Variants in PSKH1 observed in about 807,000 individuals in gnomAD.
PSKH1 encodes serine/threonine-protein kinase H1.
PSKH1 carries 12 observed loss-of-function variants against 26.7 expected under a neutral mutation model. That is an observed-to-expected ratio of 0.45 (90% CI 0.29 to 0.73). The LOEUF is 0.73. PSKH1 is among the 30% of genes least tolerant of loss of function. The pLI, the probability that PSKH1 is intolerant of heterozygous loss-of-function variation, is 0.11. For missense variants in PSKH1, 431 were observed against 595.2 expected (o/e 0.72, Z 2.87); for synonymous variants, 213 against 234.3 (o/e 0.91, Z 0.83).
chr16:67,916,369 T>G (rs991658081), intron 2 of PSKH1, among the ~76,000 whole-genome samples: 3 of 152,166 alleles, frequency 2.0e-5, no homozygotes, highest in African/African-American at 7.2e-5. Flanking sequence ...GTGTGCCTAT[T>G]TCCTGCAAGC....
chr16:67,923,190 A>G (rs2058207642), intron 2 of PSKH1, among the ~76,000 whole-genome samples: 1 of 152,130 alleles, frequency 6.6e-6, no homozygotes, highest in Admixed American at 6.5e-5. Flanking sequence ...GGGATGAGGA[A>G]GGCTAGTTGG....
chr16:67,903,352 G>C (rs749257628), intron 1 of PSKH1, among the ~76,000 whole-genome samples: 2 of 152,094 alleles, frequency 1.3e-5, no homozygotes. Flanking sequence ...GGGTCTTTCT[G>C]TGTTGCCCAG....
chr16:67,899,801 C>T (rs1195615086), intron 1 of PSKH1, among the ~76,000 whole-genome samples: 2 of 151,834 alleles, frequency 1.3e-5, no homozygotes, highest in South Asian at 2.1e-4. Context: ...GTGTCCACCA[C>T]CACACTTGGC....
chr16:67,927,504 C>T lies in PSKH1; in HGVS notation c.1137C>T (p.Ala379=). Reference sequence around the variant, plus strand: ...TATCCCAGAACCTCCTTAAACGTGCCTCCTCGCGCTGCCAGAGCACCAAAT... The same window carrying T: ...TATCCCAGAACCTCCTTAAACGTGCTTCCTCGCGCTGCCAGAGCACCAAAT... The part of the protein sequence containing the change: ...RSISQNLLKR[A]SSRCQSTKSA... Residue 379 remains alanine, a synonymous_variant, in exon 3 of 3, where the codon GCC becomes GCT. Transcript: ENST00000291041. This position sits in a 1 kb window ranked among gnomAD's most constrained non-coding sequence, Gnocchi z 5.5. The T allele has an allele frequency of 6.2e-7, 1 of 1,614,196 alleles. No homozygotes were observed. Among genetic ancestry groups the T allele is most frequent in the Non-Finnish European group, 8.5e-7 (1 of 1,180,036 alleles).
chr16:67,899,092 C>T (rs892153320), intron 1 of PSKH1, among the ~76,000 whole-genome samples: 2 of 152,136 alleles, frequency 1.3e-5, no homozygotes, highest in Non-Finnish European at 2.9e-5. Context: ...TTGCTCCCTG[C>T]CCCGGGACCC....
At chr16:67,912,597 G>A (rs1242337908) in intron 2 of PSKH1, among the ~76,000 whole-genome samples, 2 of 152,034 alleles carry the variant, frequency 1.3e-5, no homozygotes, top group African/African-American at 4.8e-5. Flanking sequence ...AGCCGGGTAC[G>A]GTGGCTCACG....
At chr16:67,894,581 C>G (rs2058120874) in intron 1 of PSKH1, among the ~76,000 whole-genome samples, 1 of 152,230 alleles carries the variant, frequency 6.6e-6, no homozygotes, top group African/African-American at 2.4e-5. Context: ...GGAAAAAAAT[C>G]TACCTTGCTT....
At chr16:67,920,497 G>A (rs532796562) in intron 2 of PSKH1, among the ~76,000 whole-genome samples, 1 of 152,262 alleles carries the variant, frequency 6.6e-6, no homozygotes, top group East Asian at 1.9e-4. Flanking sequence ...GGCCTCAAGT[G>A]ATCCTCCTGC....
At chr16:67,912,866 C>G (rs780928261) in intron 2 of PSKH1, among the ~76,000 whole-genome samples, 6 of 151,174 alleles carry the variant, frequency 4.0e-5, no homozygotes, top group African/African-American at 1.5e-4. Context: ...GAAACTCTGT[C>G]TCAAAAAAAG....
chr16:67,900,182 G>A (rs1320548269), intron 1 of PSKH1, among the ~76,000 whole-genome samples: 2 of 150,492 alleles, frequency 1.3e-5, no homozygotes, highest in African/African-American at 2.5e-5. Flanking sequence ...GGCTGATCTT[G>A]TACTCCTTAC....
At chr16:67,899,558 A>G (rs1490283792) in intron 1 of PSKH1, among the ~76,000 whole-genome samples, 1 of 152,066 alleles carries the variant, frequency 6.6e-6, no homozygotes, top group Non-Finnish European at 1.5e-5. Flanking sequence ...GATGGTCTCA[A>G]TCTCCTGTCC....
intron 2 of PSKH1, among the ~76,000 whole-genome samples, chr16:67,912,638 G>A (rs777480028): frequency 5.9e-5 from 9 of 152,186 alleles, no homozygotes; most frequent in Non-Finnish European, 1.2e-4. Context: ...GGAGGCCAAG[G>A]TGGGCAGATC....
intron 1 of PSKH1, among the ~76,000 whole-genome samples, chr16:67,896,149 G>A (rs1453009919): frequency 6.7e-6 from 1 of 150,184 alleles, no homozygotes; most frequent in Non-Finnish European, 1.5e-5. Context: ...TCGCTCTGTC[G>A]CCAGGCTGGA....
intron 1 of PSKH1, chr16:67,902,951 C>G (rs917777568): frequency 6.6e-6 from 1 of 152,036 alleles, no homozygotes. Flanking sequence ...CTGCAAAATT[C>G]CACAGTCCGT....
At chr16:67,919,155 A>G (rs985058378) in intron 2 of PSKH1, among the ~76,000 whole-genome samples, 2 of 152,168 alleles carry the variant, frequency 1.3e-5, no homozygotes, top group Admixed American at 1.3e-4. Context: ...GACCAAATGT[A>G]TATGCTGGTG....
chr16:67,902,839 G>A (rs551757595), intron 1 of PSKH1, among the ~76,000 whole-genome samples: 2 of 152,158 alleles, frequency 1.3e-5, no homozygotes, highest in African/African-American at 4.8e-5. Context: ...CGTGGGCATC[G>A]GGGTGAGGGA....
intron 2 of PSKH1, among the ~76,000 whole-genome samples, chr16:67,911,435 C>T (rs924012057): frequency 1.3e-5 from 2 of 152,166 alleles, no homozygotes; most frequent in Admixed American, 6.5e-5. Context: ...GTAATCCCAG[C>T]ACTTTGGGAG....
chr16:67,898,565 A>G (rs1422900721), intron 1 of PSKH1, among the ~76,000 whole-genome samples: 3 of 151,164 alleles, frequency 2.0e-5, no homozygotes, highest in Non-Finnish European at 4.4e-5. Context: ...TTCTGTAATT[A>G]TTGAGAAATT....
rs201663239 is a variant in PSKH1 at position 67,908,900 on chromosome 16, G to A, written c.151G>A (p.Gly51Arg). The change falls in exon 2 of 3, where the codon GGG becomes AGG. Residue 51 changes from glycine (G) to arginine (R), a missense_variant. Coordinates refer to ENST00000291041, the MANE Select transcript of PSKH1 (RefSeq NM_006742.3). Reference protein sequence around the residue: ...EVDSVGPVKAGFPAASQYAHP... With the variant: ...EVDSVGPVKARFPAASQYAHP... ...GGACAGTGTTGGCCCTGTCAAAGCC[G>A]GGTTCCCAGCAGCAAGTCAGTATGC... The A allele has an allele frequency of 5.8e-5, 93 of 1,614,154 alleles. 1 individual carries two copies. In the East Asian group the frequency reaches 1.6e-3, roughly 27 times the overall value.
Sources: gnomAD v4.1 joint callset for allele counts (sites outside exome capture counted in the v4.1 genomes callset) on GRCh38, gnomAD v4.1.1 for gene constraint, Gnocchi (gnomAD v3.1) non-coding constraint, MANE v1.5 for transcripts, NCBI Gene and HGNC (gene_info 2026-07-23, HGNC 2026-07-21) for gene names.